The following COL15A1 variants were observed in gnomAD, a reference collection of about 807,000 sequenced individuals.
COL15A1 encodes collagen type XV alpha 1 chain, also known as collagen alpha-1(XV) chain.
COL15A1 carries 111 observed loss-of-function variants against 165.9 expected under a neutral mutation model. The observed-to-expected ratio is 0.67, with a 90% confidence interval of 0.57 to 0.78. COL15A1 has a LOEUF of 0.78. Ranked by LOEUF, COL15A1 falls within the 30% of genes least tolerant of loss-of-function variation. The pLI, the probability that COL15A1 is intolerant of heterozygous loss-of-function variation, is 0.00. For missense variants in COL15A1, 1,745 were observed against 1,789.7 expected, an observed-to-expected ratio of 0.98 and a Z score of 0.45; for synonymous variants, 659 against 674.8, an observed-to-expected ratio of 0.98 and a Z score of 0.36.
Position 99,047,957 on chromosome 9 carries a change from A to G in COL15A1, c.2750A>G (p.Asn917Ser), listed in dbSNP as rs142211886. Residue 917 changes from asparagine to serine, a missense_variant, in exon 28 of 42, where the codon AAT becomes AGT. Asn to Ser is a conservative substitution (Grantham distance 46). Transcript: ENST00000375001. ...GGGTTCCAGGGTCGCCCAGGACTGA[A>G]TGGCCTCAAGGGTACCAAAGGAGAT... is the stretch of plus-strand genomic sequence containing the variant. ...LPGRPGRPGL[N>S]GLKGTKGDPG... 8 of 1,607,874 alleles carry G rather than the reference A, an allele frequency of 5.0e-6. No individual in the cohort carries two copies. Among genetic ancestry groups the G allele is most frequent in the Non-Finnish European group, 6.8e-6 (8 of 1,175,590 alleles).
rs755342492 is a variant in COL15A1, at chr9:99,003,513, G to A, written c.1126G>A (p.Glu376Lys). The A allele has an allele frequency of 8.9e-6, 14 of 1,569,554 alleles. No individual in the cohort carries two copies. Among genetic ancestry groups the A allele is most frequent in the Non-Finnish European group, 1.2e-5 (14 of 1,158,028 alleles). ...GCCCATCAGCACTGCTGGAGAAGCA[G>A]AGGCCAGCAGTGTGCCCACCGGGGG... ...EVPISTAGEAEASSVPTGGPT... is the reference protein window; with the variant it reads ...EVPISTAGEAKASSVPTGGPT... The change falls in exon 8 of 42, where the codon GAG becomes AAG. Residue 376 changes from glutamate to lysine, a missense_variant. Coordinates refer to ENST00000375001, the MANE Select transcript of COL15A1 (RefSeq NM_001855.5).
chr9:98,986,909 C>T (rs904865049), intron 3 of COL15A1, among the ~76,000 whole-genome samples: 1 of 152,134 alleles, frequency 6.6e-6, no homozygotes, highest in Admixed American at 6.5e-5. Flanking sequence ...GGTAGCCCTT[C>T]TTGGGACGAG....
intron 31 of COL15A1, among the ~76,000 whole-genome samples, chr9:99,053,687 G>A (rs1187098864): frequency 2.0e-5 from 3 of 152,314 alleles, no homozygotes; most frequent in African/African-American, 7.2e-5. Context: ...GCATTCCCAG[G>A]GTTGGAGAGG....
chr9:99,051,786 T>C (rs1199184152), intron 30 of COL15A1, among the ~76,000 whole-genome samples: 24 of 152,128 alleles, frequency 1.6e-4, no homozygotes, highest in Admixed American at 1.4e-3. Flanking sequence ...TTTGTCTGAA[T>C]AGAGAAGGAA....
Position 99,000,851 on chromosome 9 carries a change from T to A in COL15A1, c.965T>A (p.Ile322Asn). The A allele has an allele frequency of 6.4e-7, 1 of 1,565,612 alleles. No individual in the cohort carries two copies. Among genetic ancestry groups the A allele is most frequent in the Non-Finnish European group, 8.8e-7 (1 of 1,136,784 alleles). The change falls in exon 7 of 42, where the codon ATC (isoleucine) becomes AAC (asparagine). Residue 322 changes from isoleucine (I) to asparagine (N), a missense_variant. Ile to Asn is a moderately radical substitution (Grantham distance 149). Transcript: ENST00000375001. ...HSSPKQGSGE[I>N]LNDTLEGVHS... ...CTGCTTCCTGTAGGGTCTGGTGAGA[T>A]CCTGAATGACACACTGGAGGGGGTT...
intron 30 of COL15A1, among the ~76,000 whole-genome samples, chr9:99,052,026 A>G (rs1179098952): frequency 1.3e-5 from 2 of 152,184 alleles, no homozygotes; most frequent in East Asian, 1.9e-4. Flanking sequence ...GACCTTACAC[A>G]TGAATCAATC....
At chr9:98,977,724 T>A (rs56150005) in intron 2 of COL15A1, among the ~76,000 whole-genome samples, 1 of 150,344 alleles carries the variant, frequency 6.7e-6, no homozygotes, top group Non-Finnish European at 1.5e-5. Context: ...TCTAGGGGGA[T>A]GGAGGGTGGG....
intron 35 of COL15A1, among the ~76,000 whole-genome samples, chr9:99,058,810 GC>G (rs1307928713): frequency 6.6e-6 from 1 of 152,134 alleles, no homozygotes; most frequent in Non-Finnish European, 1.5e-5. Flanking sequence ...GAGTCCACTG[GC>G]CCTCTATCCA....
chr9:99,036,974 G>T (rs146937742), intron 21 of COL15A1, among the ~76,000 whole-genome samples: 28 of 152,338 alleles, frequency 1.8e-4, no homozygotes, highest in African/African-American at 6.5e-4. Context: ...CACGGAGGGG[G>T]TACAGGAGCC....
chr9:98,958,562 A>T (rs546345906), intron 2 of COL15A1, among the ~76,000 whole-genome samples: 1 of 152,186 alleles, frequency 6.6e-6, no homozygotes, highest in Non-Finnish European at 1.5e-5. Flanking sequence ...TCCATGTGAC[A>T]TATTTTCTAA....
chr9:99,004,689 G>A (rs986018347), intron 8 of COL15A1, among the ~76,000 whole-genome samples: 5 of 152,162 alleles, frequency 3.3e-5, no homozygotes, highest in African/African-American at 1.2e-4. Context: ...CACACCACAC[G>A]GGTGGGATGC....
chr9:98,954,355 T>C (rs1837741914), intron 2 of COL15A1, among the ~76,000 whole-genome samples: 1 of 152,244 alleles, frequency 6.6e-6, no homozygotes, highest in Non-Finnish European at 1.5e-5. Flanking sequence ...TGATGGACTG[T>C]GTTTCAAGTT....
At chr9:99,043,546 G>T (rs1188933385) in intron 24 of COL15A1, among the ~76,000 whole-genome samples, 1 of 152,124 alleles carries the variant, frequency 6.6e-6, no homozygotes, top group Non-Finnish European at 1.5e-5. Flanking sequence ...CTCTCACTCT[G>T]CCTCTAATGC....
intron 26 of COL15A1, among the ~76,000 whole-genome samples, chr9:99,046,025 C>T (rs907877137): frequency 5.3e-5 from 8 of 152,212 alleles, no homozygotes; most frequent in East Asian, 1.9e-4. Context: ...GTAGCTAAGA[C>T]AGACTGAGAG....
At chr9:98,995,695 T>A (rs974871459) in intron 5 of COL15A1, among the ~76,000 whole-genome samples, 3 of 152,208 alleles carry the variant, frequency 2.0e-5, no homozygotes, top group African/African-American at 7.2e-5. Context: ...ACCCTGAAGA[T>A]TTTACAGTAC....
At chr9:98,989,694 A>T (rs1838382797) in intron 5 of COL15A1, among the ~76,000 whole-genome samples, 1 of 152,212 alleles carries the variant, frequency 6.6e-6, no homozygotes, top group Non-Finnish European at 1.5e-5. Flanking sequence ...GGCATGAGGG[A>T]AATGGCCCTG....
At chr9:99,056,056 G>A (rs774674060) in intron 34 of COL15A1, among the ~76,000 whole-genome samples, 1 of 152,232 alleles carries the variant, frequency 6.6e-6, no homozygotes, top group Non-Finnish European at 1.5e-5. Flanking sequence ...AGTCTCTGGG[G>A]TTCTCTGTAG....
chr9:99,028,712 G>A (rs1372088841), intron 16 of COL15A1, among the ~76,000 whole-genome samples: 1 of 152,014 alleles, frequency 6.6e-6, no homozygotes, highest in Non-Finnish European at 1.5e-5. Flanking sequence ...GGGAGTGAGG[G>A]ATAAAAGAGT....
At position 99,024,752 on chromosome 9, in the gene COL15A1, G is replaced by T. The variant is rs1361941687; in HGVS notation, c.1855-122G>T. On this transcript the variant is annotated intron_variant, in intron 14 of 41. Transcript: ENST00000375001. ...GAGCCTTATTTTCCGCATCTGCTAA[G>T]TGGGATCACCAAACCCTACATGTAG... 2.6e-6 allele frequency: 3 copies of T among 1,168,710 alleles called. No individual in the cohort carries two copies. In the Admixed American group the frequency reaches 7.2e-5, roughly 28 times the overall value. 72.4% of individuals were successfully genotyped at this position (1,168,710 alleles called of 1,614,324 possible). A position where few individuals can be genotyped will look rare whatever the true frequency, so the allele number is the denominator to read the frequency against.
Sources: allele counts gnomAD v4.1 joint callset (sites outside exome capture counted in the v4.1 genomes callset), GRCh38; gene constraint gnomAD v4.1.1; transcripts MANE v1.5; gene names NCBI Gene and HGNC (gene_info 2026-07-23, HGNC 2026-07-21).